The following GARNL3 variants were observed in gnomAD, a reference collection of about 807,000 sequenced individuals.
The protein encoded by GARNL3 is GTPase-activating Rap/Ran-GAP domain-like protein 3.
GARNL3 carries 63 observed loss-of-function variants against 125.0 expected under a neutral mutation model. That is an observed-to-expected ratio of 0.50 (90% CI 0.41 to 0.62). GARNL3 has a LOEUF of 0.62. GARNL3 is among the 20% of genes least tolerant of loss of function. GARNL3 has a pLI of 0.00. For missense variants in GARNL3, 994 were observed against 1,244.0 expected, an observed-to-expected ratio of 0.80 and a Z score of 3.02; for synonymous variants, 439 against 457.5, an observed-to-expected ratio of 0.96 and a Z score of 0.52.
chr9:127,367,777 C>T (rs565264499), intron 22 of GARNL3, among the ~76,000 whole-genome samples: 1 of 152,166 alleles, frequency 6.6e-6, no homozygotes, highest in Non-Finnish European at 1.5e-5. Flanking sequence ...CATAAGTGCC[C>T]CTTGTTTTTG....
chr9:127,263,724 T>C (rs2063641777), upstream of GARNL3: 2 of 1,190,040 alleles, frequency 1.7e-6, no homozygotes, highest in Non-Finnish European at 2.1e-6. Flanking sequence ...TGCATTGATG[T>C]GTTGCCCATT....
At chr9:127,334,153 A>T (rs924132650) in intron 9 of GARNL3, among the ~76,000 whole-genome samples, 1 of 152,172 alleles carries the variant, frequency 6.6e-6, no homozygotes, top group Non-Finnish European at 1.5e-5. Context: ...GATTGGAAAC[A>T]CCTGAAAGGA....
At chr9:127,375,269 C>T (rs1408769612) in intron 22 of GARNL3, among the ~76,000 whole-genome samples, 1 of 152,022 alleles carries the variant, frequency 6.6e-6, no homozygotes, top group Non-Finnish European at 1.5e-5. Context: ...TCAAGACCAG[C>T]CTGGTCAACA....
At chr9:127,290,464 T>C (rs1313048367) in intron 1 of GARNL3, among the ~76,000 whole-genome samples, 2 of 152,122 alleles carry the variant, frequency 1.3e-5, no homozygotes, top group African/African-American at 4.8e-5. Flanking sequence ...TGTTGCAAAT[T>C]GTGGGTAGAT....
Position 127,242,744 on chromosome 9 carries a change from C to T in GARNL3, c.-28-335C>T, listed in dbSNP as rs1416585482. On this transcript the variant is annotated intron_variant, in intron 1 of 10. Transcript: ENST00000439286. This position sits in a 1 kb window ranked among gnomAD's most constrained non-coding sequence, Gnocchi z 4.6. The stretch of plus-strand genomic sequence containing the variant: ...GGTGATTCTCCAGAAGCATTCTAGA[C>T]ATAGCTTCCCTTACCAAATTCATAC... Among the ~76,000 whole-genome samples, 1 of 152,172 alleles carries T rather than the reference C, an allele frequency of 6.6e-6. No homozygotes were observed. Among genetic ancestry groups the T allele is most frequent in the Non-Finnish European group, 1.5e-5 (1 of 68,032 alleles).
intron 20 of GARNL3, among the ~76,000 whole-genome samples, 157 bp downstream of exon 20, chr9:127,355,629 A>T (rs1830648019): frequency 6.6e-6 from 1 of 152,214 alleles, no homozygotes; most frequent in South Asian, 2.1e-4. Context: ...CCCCCAGAAG[A>T]CTAAAGCTAA....
chr9:127,245,796 G>A (rs2063291609), intron 2 of GARNL3, among the ~76,000 whole-genome samples: 1 of 152,214 alleles, frequency 6.6e-6, no homozygotes, highest in Non-Finnish European at 1.5e-5. Flanking sequence ...TAAGGGTGCG[G>A]AGGCCCAGCC....
intron 22 of GARNL3, among the ~76,000 whole-genome samples, chr9:127,380,938 G>C (rs1281078329): frequency 6.6e-6 from 1 of 152,184 alleles, no homozygotes; most frequent in African/African-American, 2.4e-5. Context: ...GAGTGCAGTG[G>C]CGTGATCTTG....
chr9:127,314,963 A>G (rs981259679), intron 4 of GARNL3, among the ~76,000 whole-genome samples: 1 of 152,210 alleles, frequency 6.6e-6, no homozygotes, highest in African/African-American at 2.4e-5. Context: ...TAGAAGGAGC[A>G]ACAAATGTGA....
intron 7 of GARNL3, among the ~76,000 whole-genome samples, chr9:127,325,429 T>C (rs1490103349): frequency 6.6e-6 from 1 of 152,210 alleles, no homozygotes; most frequent in South Asian, 2.1e-4. Context: ...GCTCTTAATA[T>C]ACAAAATGCT....
chr9:127,226,950 C>G (rs1328104725), intron 1 of GARNL3, among the ~76,000 whole-genome samples: 1 of 152,210 alleles, frequency 6.6e-6, no homozygotes, highest in Non-Finnish European at 1.5e-5. Context: ...TGGAACTTTC[C>G]GCAGTGATGG....
chr9:127,336,196 T>C lies in GARNL3; in HGVS notation c.942T>C (p.Ser314=). 1.2e-6 allele frequency: 2 copies of C among 1,614,084 alleles called. No individual in the cohort carries two copies. Among genetic ancestry groups the C allele is most frequent in the South Asian group, 2.2e-5 (2 of 91,088 alleles). The change falls in exon 11 of 28, where the codon TCT becomes TCC. Residue 314 remains serine (S), a synonymous_variant. Coordinates refer to ENST00000373387, the MANE Select transcript of GARNL3 (RefSeq NM_032293.5). ...TIVFQEGEES[S]PAFKPSMIRS... Reference sequence around the variant, plus strand: ...TGTTCCAAGAAGGAGAGGAATCTTCTCCTGCCTTTAAGCCTTCCATGATCC... The same window carrying C: ...TGTTCCAAGAAGGAGAGGAATCTTCCCCTGCCTTTAAGCCTTCCATGATCC...
chr9:127,378,640 A>G (rs1832072771), intron 22 of GARNL3, among the ~76,000 whole-genome samples: 2 of 152,082 alleles, frequency 1.3e-5, no homozygotes, highest in South Asian at 2.1e-4. Flanking sequence ...AAAATATGAG[A>G]GAAGGATATG....
intron 8 of GARNL3, 100 bp from the exon 9 acceptor site, chr9:127,332,923 C>T (rs2131574005): frequency 4.9e-6 from 4 of 816,028 alleles, no homozygotes; most frequent in Non-Finnish European, 6.5e-6. Flanking sequence ...ATGCATGAAT[C>T]GGCAGAGCCC....
chr9:127,259,421 T>C (rs2063546507), upstream of GARNL3, among the ~76,000 whole-genome samples: 1 of 152,158 alleles, frequency 6.6e-6, no homozygotes, highest in African/African-American at 2.4e-5. Context: ...TGAAGTTCTT[T>C]TTGGTACTTG....
intron 22 of GARNL3, among the ~76,000 whole-genome samples, chr9:127,375,422 C>T (rs1480579061): frequency 1.6e-4 from 24 of 148,946 alleles, no homozygotes; most frequent in African/African-American, 5.2e-4. Context: ...GCCAAGATCG[C>T]GCCGTTGCAC....
At chr9:127,295,263 A>G (rs2064553691) in intron 2 of GARNL3, among the ~76,000 whole-genome samples, 1 of 152,234 alleles carries the variant, frequency 6.6e-6, no homozygotes, top group African/African-American at 2.4e-5. Flanking sequence ...GTCATGGACT[A>G]GTAAACAGTT....
intron 15 of GARNL3, among the ~76,000 whole-genome samples, chr9:127,345,075 C>A (rs1830065234): frequency 6.6e-6 from 1 of 152,172 alleles, no homozygotes; most frequent in South Asian, 2.1e-4. Flanking sequence ...GATACCCAGA[C>A]TTTATTCCCA....
intron 21 of GARNL3, 56 bp downstream of exon 21, chr9:127,357,433 G>A: frequency 1.3e-6 from 2 of 1,535,682 alleles, no homozygotes; most frequent in East Asian, 4.5e-5. Context: ...TCATCGTTGT[G>A]TATTCTAACC....
Sources: allele counts gnomAD v4.1 joint callset (sites outside exome capture counted in the v4.1 genomes callset), GRCh38; gene constraint gnomAD v4.1.1; non-coding constraint Gnocchi (gnomAD v3.1); transcripts MANE v1.5; gene names NCBI Gene and HGNC (gene_info 2026-07-23, HGNC 2026-07-21).